The following SLC14A2 variants were observed in gnomAD, a reference collection of about 807,000 sequenced individuals.
The protein encoded by SLC14A2 is solute carrier family 14 member 2, also known as urea transporter 2.
In SLC14A2, 91 loss-of-function variants were observed where a neutral mutation model predicts 104.6. The ratio of observed to expected loss-of-function variants is 0.87; its 90% CI spans 0.73 to 1.04. SLC14A2 has a LOEUF of 1.04. SLC14A2 is among the 50% of genes least tolerant of loss of function. The pLI, the probability that SLC14A2 is intolerant of heterozygous loss-of-function variation, is 0.00. For synonymous variants in SLC14A2, 476 were observed against 466.4 expected (o/e 1.02, Z -0.27); for missense variants, 1,189 against 1,156.0 (o/e 1.03, Z -0.41).
intron 1 of SLC14A2, among the ~76,000 whole-genome samples, chr18:45,243,172 G>A (rs906573756): frequency 6.2e-4 from 95 of 152,178 alleles, no homozygotes; most frequent in African/African-American, 2.2e-3. Flanking sequence ...CCTAGCATAA[G>A]GCCAGGCACA....
At chr18:45,225,385 G>T (rs12150823) in intron 1 of SLC14A2, among the ~76,000 whole-genome samples, 1 of 151,996 alleles carries the variant, frequency 6.6e-6, no homozygotes, top group African/African-American at 2.4e-5. Flanking sequence ...TGCTGTTTTG[G>T]TTACTGTAGC....
chr18:45,643,177 C>A lies in SLC14A2; in HGVS notation c.1172C>A (p.Ser391Ter). 1 of 1,613,828 alleles carries A rather than the reference C, an allele frequency of 6.2e-7. No homozygotes were observed. Among genetic ancestry groups the A allele is most frequent in the Non-Finnish European group, 8.5e-7 (1 of 1,179,678 alleles). The change falls in exon 9 of 20, where the codon TCA (serine) becomes TAA (stop). Residue 391 changes from serine (S) to a stop codon, truncating the protein, a stop_gained. Coordinates refer to ENST00000255226, the MANE Select transcript of SLC14A2 (RefSeq NM_007163.4). LOFTEE classifies it high-confidence loss of function. ...GAAGCAGCCATCTCCAACATCATGT[C>A]AGTGGTAAGTGTGGATTCTCCTGAA... Reference protein sequence around the residue: ...YMEAAISNIMSVVGVPPGTWA... With the variant: ...YMEAAISNIM
At chr18:45,315,681 C>T (rs773919325) in intron 1 of SLC14A2, among the ~76,000 whole-genome samples, 2 of 152,004 alleles carry the variant, frequency 1.3e-5, no homozygotes, top group African/African-American at 4.8e-5. Context: ...GTATTTTGGC[C>T]GTAAGAAGAG....
At chr18:45,531,133 T>A (rs140740294) in intron 2 of SLC14A2, among the ~76,000 whole-genome samples, 13,232 of 152,242 alleles carry the variant, frequency 0.087, 679 homozygotes, top group Non-Finnish European at 0.12. Flanking sequence ...AAGTCTTTGC[T>A]ATTGTGAATA....
At chr18:45,587,465 T>C (rs943970842) in intron 2 of SLC14A2, among the ~76,000 whole-genome samples, 3 of 152,186 alleles carry the variant, frequency 2.0e-5, no homozygotes, top group Non-Finnish European at 4.4e-5. Context: ...TATGTCCTCT[T>C]GTCTATTTTT....
At chr18:45,350,972 C>G (rs2085497563) in intron 1 of SLC14A2, among the ~76,000 whole-genome samples, 1 of 152,176 alleles carries the variant, frequency 6.6e-6, no homozygotes, top group Non-Finnish European at 1.5e-5. Flanking sequence ...TCCTCTGGGA[C>G]TGGGGCAGAG....
chr18:45,258,580 G>C lies in SLC14A2; in HGVS notation c.-125+45389G>C, dbSNP rs572683990. On this transcript the variant is annotated intron_variant, in intron 1 of 20. Coordinates refer to the SLC14A2 transcript ENST00000586448. ...TCAACTGAACTTTAAGCTTCTTGTA[G>C]GCAAGGACCTTTCTTATTGCTTCTT... Among the ~76,000 whole-genome samples, 46 of 143,156 alleles carry C rather than the reference G, an allele frequency of 3.2e-4. 2 individuals carry two copies. Among genetic ancestry groups the C allele is most frequent in the Non-Finnish European group, 6.4e-4 (42 of 65,772 alleles). 93.9% of individuals were successfully genotyped at this position (143,156 alleles called of 152,430 possible).
intron 1 of SLC14A2, among the ~76,000 whole-genome samples, chr18:45,313,449 C>T (rs190159922): frequency 6.6e-6 from 1 of 152,290 alleles, no homozygotes; most frequent in East Asian, 1.9e-4. Flanking sequence ...CCTCATTCCC[C>T]TCCCAGTACT....
At chr18:45,459,698 G>A (rs994306268) in intron 1 of SLC14A2, among the ~76,000 whole-genome samples, 1 of 152,168 alleles carries the variant, frequency 6.6e-6, no homozygotes, top group African/African-American at 2.4e-5. Context: ...CCCCCTCCTG[G>A]CCTGACATTC....
At chr18:45,221,107 T>C (rs906332701) in intron 1 of SLC14A2, among the ~76,000 whole-genome samples, 6 of 152,186 alleles carry the variant, frequency 3.9e-5, no homozygotes, top group Non-Finnish European at 7.3e-5. Flanking sequence ...CTTCAACATA[T>C]GAATTTGTAA....
chr18:45,641,466 G>T (rs1416321600), intron 8 of SLC14A2, 123 bp downstream of exon 8: 1 of 1,085,068 alleles, frequency 9.2e-7, no homozygotes. Flanking sequence ...CCAATGGCTT[G>T]CGTCCTAATG....
At chr18:45,197,491 G>C in the SLC14A2 span, among the ~76,000 whole-genome samples, 1 of 152,218 alleles carries the variant, frequency 6.6e-6, no homozygotes, top group Non-Finnish European at 1.5e-5. Context: ...AAGGTGAAGA[G>C]CAGTATAGTC....
intron 10 of SLC14A2, among the ~76,000 whole-genome samples, chr18:45,648,552 G>A (rs2045668201): frequency 6.6e-6 from 1 of 152,006 alleles, no homozygotes; most frequent in Non-Finnish European, 1.5e-5. Flanking sequence ...TATTAATATT[G>A]TTGTACCTTC....
In SLC14A2 at chr18:45,678,972, T is replaced by A. The variant is rs2046271959; in HGVS notation, c.2513-3T>A. ...TTTCTTTCTTTTTTTTTTTTTTTTC[T>A]AGCACTGTTTGCTGCCTACCTGGGT... On this transcript the variant is annotated splice_polypyrimidine_tract_variant and splice_region_variant and intron_variant, in intron 18 of 19. Transcript: ENST00000255226. 6 of 1,571,916 alleles carry A rather than the reference T, an allele frequency of 3.8e-6. No homozygotes were observed. The highest frequency in any genetic ancestry group is 5.2e-6 in the Non-Finnish European group (6 of 1,161,556).
At chr18:45,484,566 ATCCCCTTCTC>A (rs1211113089) in intron 2 of SLC14A2, among the ~76,000 whole-genome samples, 1 of 152,196 alleles carries the variant, frequency 6.6e-6, no homozygotes, top group Non-Finnish European at 1.5e-5. Flanking sequence ...TGCCAGCTAT[ATCCCCTTCTC>A]ATGGTTAAGG....
At chr18:45,578,532 G>T (rs2044445297) in intron 2 of SLC14A2, among the ~76,000 whole-genome samples, 1 of 152,166 alleles carries the variant, frequency 6.6e-6, no homozygotes, top group Non-Finnish European at 1.5e-5. Context: ...AAAGAGCCAA[G>T]GAGTAAGAAA....
At chr18:45,531,968 C>G (rs920094498) in intron 2 of SLC14A2, among the ~76,000 whole-genome samples, 1 of 152,136 alleles carries the variant, frequency 6.6e-6, no homozygotes, top group Non-Finnish European at 1.5e-5. Flanking sequence ...ATCCTTTCCC[C>G]ATTTCTTCTT....
intron 2 of SLC14A2, among the ~76,000 whole-genome samples, chr18:45,512,236 G>T (rs1441882525): frequency 6.6e-6 from 1 of 152,156 alleles, no homozygotes; most frequent in African/African-American, 2.4e-5. Flanking sequence ...CCCATCAGAT[G>T]GTGGAGGTGA....
upstream of SLC14A2, chr18:45,614,794 CTTTTTTTTTTTTTT>C (rs758644176): frequency 9.5e-6 from 1 of 105,414 alleles, no homozygotes; most frequent in Non-Finnish European, 1.9e-5. Flanking sequence ...AACTAACTTG[CTTTTTTTTTTTTTT>C]TTTTTTTTGA....
Sources: gnomAD v4.1 joint callset for allele counts (sites outside exome capture counted in the v4.1 genomes callset) on GRCh38, gnomAD v4.1.1 for gene constraint, MANE v1.5 for transcripts, NCBI Gene and HGNC (gene_info 2026-07-23, HGNC 2026-07-21) for gene names.